The following OTUD4 variants were observed in gnomAD, a reference collection of about 807,000 sequenced individuals.
OTUD4 encodes OTU deubiquitinase 4.
A neutral mutation model predicts 130.4 loss-of-function variants in OTUD4; 24 were observed. The ratio of observed to expected loss-of-function variants is 0.18; its 90% CI spans 0.13 to 0.26. The LOEUF (loss-of-function observed/expected upper bound fraction) is 0.26. Among genes scored for constraint, OTUD4 ranks in the 10% least tolerant of loss-of-function variants. The pLI, the probability that OTUD4 is intolerant of heterozygous loss-of-function variation, is 1.00. For missense variants in OTUD4, 1,031 were observed against 1,329.4 expected, an observed-to-expected ratio of 0.78 and a Z score of 3.49; for synonymous variants, 420 against 472.5, an observed-to-expected ratio of 0.89 and a Z score of 1.44.
At position 145,152,574 on chromosome 4, in the gene OTUD4, T is replaced by C. The variant is rs530174336; in HGVS notation, c.935A>G (p.Asn312Ser). 4.3e-6 allele frequency: 7 copies of C among 1,611,508 alleles called. No individual in the cohort carries two copies. Among genetic ancestry groups the C allele is most frequent in the Admixed American group, 1.7e-5 (1 of 59,962 alleles). ...NADVQGIHSE[N>S]GPVLVEELGK... ...CAGTTCTTCAACCAAAACTGGTCCA[T>C]TCTCAGAATGAATTCCTTGAACATC... Residue 312 changes from asparagine to serine, a missense_variant, in exon 11 of 21, where the codon AAT becomes AGT. Asn to Ser is a conservative substitution (Grantham distance 46). This residue lies in a region of OTUD4 where 900 missense variants were observed against 1,095.9 expected (regional missense o/e 0.82). Coordinates refer to ENST00000447906, the MANE Select transcript of OTUD4 (RefSeq NM_001366057.1).
intron 10 of OTUD4, among the ~76,000 whole-genome samples, chr4:145,153,422 T>C (rs1389882931): frequency 6.6e-6 from 1 of 152,164 alleles, no homozygotes; most frequent in Non-Finnish European, 1.5e-5. Context: ...TAATAGTACC[T>C]ACGTCACAGA....
In OTUD4 at chr4:145,150,458, A is replaced by G. The variant is rs373161825; in HGVS notation, c.1259+55T>C. ...TTCAAATGCACATAATGTGGCAAAT[A>G]TAACAAATGCCTCTTACTTGATTTC... On this transcript the variant is annotated intron_variant, in intron 13 of 20. Coordinates refer to ENST00000447906, the MANE Select transcript of OTUD4 (RefSeq NM_001366057.1). 34 of 1,244,690 alleles carry G rather than the reference A, an allele frequency of 2.7e-5. No homozygotes were observed. The East Asian group carries it at 3.5e-4, about 13-fold the overall frequency. 77.1% of individuals were successfully genotyped at this position (1,244,690 alleles called of 1,614,324 possible). A position where few individuals can be genotyped will look rare whatever the true frequency, so the allele number is the denominator to read the frequency against.
Position 145,141,522 on chromosome 4 carries a change from A to G in OTUD4, c.1940T>C (p.Val647Ala). 1 of 1,613,704 alleles carries G rather than the reference A, an allele frequency of 6.2e-7. No individual in the cohort carries two copies. Among genetic ancestry groups the G allele is most frequent in the Non-Finnish European group, 8.5e-7 (1 of 1,179,698 alleles). Reference protein sequence around the residue: ...PSPVPVSIQAVNQPLMPLPQT... With the variant: ...PSPVPVSIQAANQPLMPLPQT... Reference sequence around the variant, plus strand: ...AGGCAAAGGCATCAAGGGCTGGTTAACTGCCTGTATTGACACAGGAACTGG... The same window carrying G: ...AGGCAAAGGCATCAAGGGCTGGTTAGCTGCCTGTATTGACACAGGAACTGG... The change falls in exon 19 of 21, where the codon GTT becomes GCT. Residue 647 changes from valine (V) to alanine (A), a missense_variant. Coordinates refer to ENST00000447906, the MANE Select transcript of OTUD4 (RefSeq NM_001366057.1).
chr4:145,147,100 T>C (rs1750860836), intron 13 of OTUD4, among the ~76,000 whole-genome samples: 1 of 152,218 alleles, frequency 6.6e-6, no homozygotes, highest in South Asian at 2.1e-4. Flanking sequence ...ATATGGCTTA[T>C]AACTATCAAA....
chr4:145,167,710 T>C (rs1463195343), intron 3 of OTUD4, among the ~76,000 whole-genome samples: 1 of 151,916 alleles, frequency 6.6e-6, no homozygotes, highest in East Asian at 1.9e-4. Context: ...ATACAAAAAT[T>C]GGCCAGGCGT....
intron 1 of OTUD4, among the ~76,000 whole-genome samples, chr4:145,177,060 C>T (rs1351517038): frequency 6.6e-6 from 1 of 152,174 alleles, no homozygotes; most frequent in Non-Finnish European, 1.5e-5. Flanking sequence ...AAATAACCAC[C>T]GTAGAATTTT....
intron 11 of OTUD4, among the ~76,000 whole-genome samples, chr4:145,152,230 GC>G (rs1290254199): frequency 6.6e-6 from 1 of 152,000 alleles, no homozygotes; most frequent in Non-Finnish European, 1.5e-5. Context: ...TCCTCCCTCA[GC>G]CTCTTGAGTA....
At position 145,141,433 on chromosome 4, in the gene OTUD4, G is replaced by T. The variant is rs773572635; in HGVS notation, c.2029C>A (p.Arg677=). The stretch of plus-strand genomic sequence containing the variant: ...AGTGAATAAGGTGGTACAATGGCTC[G>T]ATCTCCCTTTTCATTACAAGGAAAC... ...PGFPCNEKGD[R]AIVPPYSLCQ... is the part of the protein sequence containing the mutation. Residue 677 remains arginine, a synonymous_variant, in exon 19 of 21, where the codon CGA becomes AGA. Transcript: ENST00000447906. 7 of 1,613,396 alleles carry T rather than the reference G, an allele frequency of 4.3e-6. No homozygotes were observed. The highest frequency in any genetic ancestry group is 3.3e-5 in the South Asian group (3 of 91,014).
At chr4:145,163,059 T>C (rs36224851) in intron 5 of OTUD4, among the ~76,000 whole-genome samples, 2 of 152,198 alleles carry the variant, frequency 1.3e-5, no homozygotes, top group African/African-American at 4.8e-5. Context: ...ACCTCTAACA[T>C]GCAAAATTTT....
chr4:145,167,859 TA>T (rs900066740), intron 3 of OTUD4, among the ~76,000 whole-genome samples: 43 of 151,696 alleles, frequency 2.8e-4, no homozygotes, highest in African/African-American at 9.7e-4. Context: ...ACTCCATCTC[TA>T]AAAAAAATTA....
intron 5 of OTUD4, among the ~76,000 whole-genome samples, chr4:145,163,397 A>G (rs1411155030): frequency 1.3e-5 from 2 of 152,102 alleles, no homozygotes; most frequent in Non-Finnish European, 2.9e-5. Flanking sequence ...GCTTCACAAA[A>G]TTTTTCAGTT....
intron 1 of OTUD4, among the ~76,000 whole-genome samples, chr4:145,175,202 A>G (rs1267409732): frequency 2.0e-5 from 3 of 152,220 alleles, no homozygotes; most frequent in Non-Finnish European, 4.4e-5. Context: ...TTTTCCCATT[A>G]ATTCTGAATC....
At chr4:145,166,961 C>A (rs1191490334) in intron 3 of OTUD4, among the ~76,000 whole-genome samples, 2 of 151,998 alleles carry the variant, frequency 1.3e-5, no homozygotes, top group Admixed American at 6.6e-5. Context: ...AAAAGTAAAT[C>A]ATGGGAAAAT....
At chr4:145,156,387 A>G (rs1751290707) in intron 7 of OTUD4, among the ~76,000 whole-genome samples, 1 of 152,236 alleles carries the variant, frequency 6.6e-6, no homozygotes. Context: ...CCTTTTATTA[A>G]AAATACTCTA....
At position 145,149,858 on chromosome 4, in the gene OTUD4, G is replaced by A. The variant is rs183488797; in HGVS notation, c.1259+655C>T. Among the ~76,000 whole-genome samples the A allele has an allele frequency of 4.4e-4, 67 of 152,308 alleles. 1 individual carries two copies. Among genetic ancestry groups the A allele is most frequent in the Non-Finnish European group, 7.2e-4 (49 of 68,036 alleles). ...ACAGGAAACACGGTCATATTTGCACGATGAAGACAGTTTCAACATAAGACA... is the reference window on the plus strand; with the variant it reads ...ACAGGAAACACGGTCATATTTGCACAATGAAGACAGTTTCAACATAAGACA... On this transcript the variant is annotated intron_variant, in intron 13 of 20. Transcript: ENST00000447906.
rs754816854 is a variant in OTUD4, at chr4:145,137,831, T to C, written c.2944A>G (p.Lys982Glu). The C allele has an allele frequency of 1.5e-5, 25 of 1,614,046 alleles. 1 individual carries two copies. The South Asian group carries it at 2.5e-4, about 16-fold the overall frequency. Residue 982 changes from lysine (K) to glutamate (E), a missense_variant, in exon 21 of 21, where the codon AAA becomes GAA. Around this residue, in one of 3 missense-constraint regions of OTUD4, gnomAD observed 900 missense variants for 1,095.9 expected, o/e 0.82. Coordinates refer to ENST00000447906, the MANE Select transcript of OTUD4 (RefSeq NM_001366057.1). The part of the protein sequence containing the change: ...RETVPVELEP[K>E]RTIQSLKEKT... Reference sequence around the variant, plus strand: ...TCTTTCAGGCTTTGAATGGTCCTTTTAGGTTCAAGTTCAACAGGCACAGTT... The same window carrying C: ...TCTTTCAGGCTTTGAATGGTCCTTTCAGGTTCAAGTTCAACAGGCACAGTT...
At chr4:145,172,559 A>G (rs769231315) in intron 2 of OTUD4, among the ~76,000 whole-genome samples, 11 of 152,188 alleles carry the variant, frequency 7.2e-5, no homozygotes, top group African/African-American at 2.2e-4. Flanking sequence ...GAAATCTCTA[A>G]AAGTCATTTG....
chr4:145,170,138 G>A (rs911177650), intron 3 of OTUD4, among the ~76,000 whole-genome samples: 5 of 152,182 alleles, frequency 3.3e-5, no homozygotes, highest in African/African-American at 1.2e-4. Context: ...CAGGCCCAGA[G>A]GCCCTGATTC....
Position 145,159,562 on chromosome 4 carries a change from C to T in OTUD4, c.570G>A (p.Thr190=), listed in dbSNP as rs762802035. ...DVSKIVMELD[T]LEVADEDNSE... is the part of the protein sequence containing the mutation. ...TGTTATCTTCATCAGCTACTTCCAA[C>T]GTGTCTAGTTCCATCACAATTTTAC... Residue 190 remains threonine (T), a synonymous_variant, in exon 7 of 21, where the codon ACG becomes ACA. Transcript: ENST00000447906. The T allele has an allele frequency of 1.9e-5, 31 of 1,613,142 alleles. No homozygotes were observed. Among genetic ancestry groups the T allele is most frequent in the Non-Finnish European group, 2.5e-5 (30 of 1,179,368 alleles).
Sources: allele counts gnomAD v4.1 joint callset (sites outside exome capture counted in the v4.1 genomes callset), GRCh38; gene constraint gnomAD v4.1.1; regional missense constraint gnomAD v4.1.1; transcripts MANE v1.5; gene names NCBI Gene and HGNC (gene_info 2026-07-23, HGNC 2026-07-21).